Variants in LTBP1 observed in about 807,000 individuals in gnomAD.
LTBP1 encodes latent-transforming growth factor beta-binding protein 1.
In LTBP1, 129 loss-of-function variants were observed where a neutral mutation model predicts 207.6. That is an observed-to-expected ratio of 0.62 (90% CI 0.54 to 0.72). The LOEUF (loss-of-function observed/expected upper bound fraction) is 0.72. Among genes scored for constraint, LTBP1 ranks in the 30% least tolerant of loss-of-function variants. The pLI, the probability that LTBP1 is intolerant of heterozygous loss-of-function variation, is 0.00. For missense variants in LTBP1, 2,281 were observed against 2,217.2 expected, an observed-to-expected ratio of 1.03 and a Z score of -0.58; for synonymous variants, 963 against 833.7, an observed-to-expected ratio of 1.16 and a Z score of -2.67.
At chr2:33,011,251 C>T (rs1687637234) in intron 2 of LTBP1, among the ~76,000 whole-genome samples, 2 of 152,242 alleles carry the variant, frequency 1.3e-5, no homozygotes, top group Admixed American at 6.5e-5. Context: ...TCTCACTGCA[C>T]AGCTCCCCTC....
At chr2:33,394,287 CT>C (rs1294847230) in intron 32 of LTBP1, among the ~76,000 whole-genome samples, 1 of 152,112 alleles carries the variant, frequency 6.6e-6, no homozygotes, top group Non-Finnish European at 1.5e-5. Flanking sequence ...TATGCAGAAG[CT>C]TTTTAGTCTA....
chr2:33,257,654 C>T (rs200245135), intron 12 of LTBP1, 143 bp downstream of exon 12: 7 of 401,002 alleles, frequency 1.7e-5, no homozygotes, highest in African/African-American at 1.4e-4. Context: ...TGATTGGGGG[C>T]TGCCCTGTGT....
chr2:33,024,422 G>T (rs2075318411), intron 3 of LTBP1, among the ~76,000 whole-genome samples: 1 of 152,172 alleles, frequency 6.6e-6, no homozygotes, highest in South Asian at 2.1e-4. Context: ...GATATGTAGG[G>T]GTGAGGCAGA....
At chr2:33,213,880 G>C (rs1203753859) in intron 7 of LTBP1, among the ~76,000 whole-genome samples, 1 of 152,146 alleles carries the variant, frequency 6.6e-6, no homozygotes, top group Non-Finnish European at 1.5e-5. Flanking sequence ...TGCTGCTCTT[G>C]GCTGTGGACC....
At chr2:33,283,823 C>G (rs1355166570) in intron 19 of LTBP1, among the ~76,000 whole-genome samples, 1 of 152,160 alleles carries the variant, frequency 6.6e-6, no homozygotes, top group African/African-American at 2.4e-5. Context: ...ATGATAATGT[C>G]TATCTCACAG....
chr2:33,009,579 A>G (rs1463662507), intron 2 of LTBP1, among the ~76,000 whole-genome samples: 1 of 152,204 alleles, frequency 6.6e-6, no homozygotes, highest in African/African-American at 2.4e-5. Flanking sequence ...AGGCTACCAG[A>G]ATCTAGGAGA....
At chr2:32,993,411 A>G (rs1397391265) in intron 2 of LTBP1, among the ~76,000 whole-genome samples, 1 of 152,174 alleles carries the variant, frequency 6.6e-6, no homozygotes, top group African/African-American at 2.4e-5. Flanking sequence ...ACACACACAT[A>G]TGCACACACA....
intron 8 of LTBP1, among the ~76,000 whole-genome samples, chr2:33,220,531 A>G (rs1194521852): frequency 1.3e-5 from 2 of 152,238 alleles, no homozygotes; most frequent in African/African-American, 4.8e-5. Flanking sequence ...AGCATGAACA[A>G]GTCACTTGTC....
chr2:33,394,216 T>C (rs1484083830), intron 32 of LTBP1, among the ~76,000 whole-genome samples: 2 of 152,222 alleles, frequency 1.3e-5, no homozygotes, highest in African/African-American at 4.8e-5. Flanking sequence ...GATGGGTAGA[T>C]TGTAAAAATT....
intron 26 of LTBP1, among the ~76,000 whole-genome samples, chr2:33,353,860 CT>C (rs1321533317): frequency 0.011 from 1,041 of 98,246 alleles, 7 homozygotes; most frequent in African/African-American, 0.041. Flanking sequence ...GCATGTACGC[CT>C]TTTTTTTTTT....
At chr2:33,166,593 C>T (rs762701535) in intron 5 of LTBP1, among the ~76,000 whole-genome samples, 31 of 151,986 alleles carry the variant, frequency 2.0e-4, no homozygotes, top group Non-Finnish European at 3.4e-4. Flanking sequence ...AGCTACATCT[C>T]GAGAGTTAAT....
At chr2:33,113,875 C>G (rs1255973387) in intron 4 of LTBP1, among the ~76,000 whole-genome samples, 2 of 152,172 alleles carry the variant, frequency 1.3e-5, no homozygotes. Context: ...ACTCTCTTGG[C>G]TATTATGAAT....
At chr2:33,391,713 T>G (rs553112397) in intron 32 of LTBP1, among the ~76,000 whole-genome samples, 1 of 152,342 alleles carries the variant, frequency 6.6e-6, no homozygotes, top group South Asian at 2.1e-4. Flanking sequence ...GAAGCCTCTA[T>G]GGCATTATAG....
chr2:33,163,153 AT>A (rs1433573128), intron 5 of LTBP1, among the ~76,000 whole-genome samples: 1 of 152,038 alleles, frequency 6.6e-6, no homozygotes, highest in Non-Finnish European at 1.5e-5. Context: ...GGCTAATTGT[AT>A]TTTTTATAGA....
intron 2 of LTBP1, among the ~76,000 whole-genome samples, chr2:32,972,294 T>C (rs1681017640): frequency 6.6e-6 from 1 of 151,948 alleles, no homozygotes; most frequent in Non-Finnish European, 1.5e-5. Flanking sequence ...TTCTCGGTTA[T>C]ATTTAGTTCA....
At chr2:33,147,847 T>C (rs2083179753) in intron 5 of LTBP1, among the ~76,000 whole-genome samples, 1 of 152,240 alleles carries the variant, frequency 6.6e-6, no homozygotes, top group Non-Finnish European at 1.5e-5. Flanking sequence ...AGTGTTTTTG[T>C]TCACATGTCC....
At chr2:33,127,135 A>G (rs1455533838) in intron 4 of LTBP1, among the ~76,000 whole-genome samples, 1 of 152,222 alleles carries the variant, frequency 6.6e-6, no homozygotes, top group Non-Finnish European at 1.5e-5. Context: ...AGGCACATCA[A>G]GACATCTACT....
At chr2:33,249,741 T>G (rs77789701) in intron 10 of LTBP1, among the ~76,000 whole-genome samples, 178 of 152,340 alleles carry the variant, frequency 1.2e-3, no homozygotes, top group Non-Finnish European at 1.4e-3. Context: ...TATCAGAATC[T>G]TTTTGCCGTA....
intron 24 of LTBP1, among the ~76,000 whole-genome samples, chr2:33,316,690 T>G (rs996405504): frequency 1.3e-5 from 2 of 152,198 alleles, no homozygotes; most frequent in African/African-American, 4.8e-5. Context: ...GTTCAAGTTT[T>G]ATGTAAATTT....
Sources: gnomAD v4.1 joint callset for allele counts (sites outside exome capture counted in the v4.1 genomes callset) on GRCh38, gnomAD v4.1.1 for gene constraint, MANE v1.5 for transcripts, NCBI Gene and HGNC (gene_info 2026-07-23, HGNC 2026-07-21) for gene names.